Variants in PRORP observed in about 807,000 individuals in gnomAD.
The protein encoded by PRORP is protein only RNase P catalytic subunit, also known as mitochondrial ribonuclease P catalytic subunit.
A neutral mutation model predicts 59.4 loss-of-function variants in PRORP; 51 were observed. That is an observed-to-expected ratio of 0.86 (90% CI 0.69 to 1.08). The LOEUF (loss-of-function observed/expected upper bound fraction) is 1.08. Among genes scored for constraint, PRORP ranks in the 50% least tolerant of loss-of-function variants. PRORP has a pLI of 0.00. For missense variants in PRORP, 646 were observed against 690.3 expected, an observed-to-expected ratio of 0.94 and a Z score of 0.72; for synonymous variants, 231 against 245.6, an observed-to-expected ratio of 0.94 and a Z score of 0.55.
intron 5 of PRORP, among the ~76,000 whole-genome samples, chr14:35,241,948 C>T (rs900796479): frequency 1.4e-4 from 21 of 152,248 alleles, no homozygotes; most frequent in African/African-American, 5.1e-4. Flanking sequence ...TCTACTGACA[C>T]CTTTTATTTA....
intron 5 of PRORP, among the ~76,000 whole-genome samples, chr14:35,259,997 T>G (rs796929631): frequency 7.8e-5 from 11 of 141,190 alleles, no homozygotes; most frequent in African/African-American, 3.0e-4. Flanking sequence ...TTTCGGGTTT[T>G]TTTTTTTTTT....
chr14:35,190,899 G>C (rs2048867159), intron 5 of PRORP, among the ~76,000 whole-genome samples: 1 of 152,032 alleles, frequency 6.6e-6, no homozygotes, highest in South Asian at 2.1e-4. Flanking sequence ...ATAATCTGTT[G>C]CAAGATATTT....
intron 5 of PRORP, among the ~76,000 whole-genome samples, chr14:35,221,675 C>T (rs765560836): frequency 1.1e-4 from 17 of 152,152 alleles, no homozygotes; most frequent in Non-Finnish European, 1.6e-4. Flanking sequence ...TGGTTAGAGA[C>T]ATTTCACAGT....
chr14:35,192,769 G>A (rs1052745604), intron 5 of PRORP, among the ~76,000 whole-genome samples: 5 of 152,056 alleles, frequency 3.3e-5, no homozygotes, highest in African/African-American at 4.8e-5. Flanking sequence ...CAAGGAGGGT[G>A]GATCACCTGA....
At chr14:35,126,224 G>C (rs1356912983) in intron 2 of PRORP, among the ~76,000 whole-genome samples, 2 of 152,060 alleles carry the variant, frequency 1.3e-5, no homozygotes, top group Non-Finnish European at 1.5e-5. Context: ...ATGTGGAAGG[G>C]GAAGGAGGAA....
At chr14:35,137,272 AT>A (rs1566449416) in intron 4 of PRORP, among the ~76,000 whole-genome samples, 1 of 145,262 alleles carries the variant, frequency 6.9e-6, no homozygotes, top group African/African-American at 2.4e-5. Context: ...ATCAATAGAG[AT>A]AAAAAATATT....
rs149866468 is a variant in PRORP, at chr14:35,210,548, T to C, written c.1275+29771T>C. Reference sequence around the variant, plus strand: ...GCAGGAGTGGCAAGAATAGCTAGTATTCTGACAGTGGCAGAATTTTGCAGG... The same window carrying C: ...GCAGGAGTGGCAAGAATAGCTAGTACTCTGACAGTGGCAGAATTTTGCAGG... On this transcript the variant is annotated intron_variant, in intron 5 of 7. Transcript: ENST00000534898. 2.9e-3 allele frequency among the ~76,000 whole-genome samples: 439 copies of C among 151,910 alleles called. 3 individuals are homozygous for C. Among genetic ancestry groups the C allele is most frequent in the African/African-American group, 0.01 (430 of 41,428 alleles).
chr14:35,125,938 G>C (rs578019886), intron 2 of PRORP, among the ~76,000 whole-genome samples: 2 of 152,292 alleles, frequency 1.3e-5, no homozygotes, highest in East Asian at 1.9e-4. Context: ...AGGATCACTT[G>C]AATCTAGGGA....
Position 35,176,670 on chromosome 14 carries a change from G to A in PRORP, c.1168-4000G>A, listed in dbSNP as rs1401230379. On this transcript the variant is annotated intron_variant, in intron 4 of 7. Transcript: ENST00000534898. ...AGACAATGGGGTTTTCTAAATATACGATCATGTCATCTGCAAACAGGGACA... is the reference window on the plus strand; with the variant it reads ...AGACAATGGGGTTTTCTAAATATACAATCATGTCATCTGCAAACAGGGACA... 2.6e-5 allele frequency among the ~76,000 whole-genome samples: 4 copies of A among 152,036 alleles called. No individual in the cohort carries two copies. The East Asian group carries it at 5.8e-4, about 22-fold the overall frequency.
Position 35,126,785 on chromosome 14 carries a change from G to T in PRORP, c.1034+3G>T, listed in dbSNP as rs1456679947. On this transcript the variant is annotated splice_donor_region_variant and intron_variant, in intron 3 of 7. Coordinates refer to ENST00000534898, the MANE Select transcript of PRORP (RefSeq NM_014672.4). ...CAATTCACCACAGTCCGAAAAAGGT[G>T]AAGACCAATGTTTATTTTTAACTTG... The T allele has an allele frequency of 6.2e-7, 1 of 1,605,096 alleles. No individual in the cohort carries two copies. The highest frequency in any genetic ancestry group is 2.2e-5 in the East Asian group (1 of 44,698).
At chr14:35,212,343 T>C (rs72664875) in intron 5 of PRORP, among the ~76,000 whole-genome samples, 5,975 of 152,338 alleles carry the variant, frequency 0.039, 166 homozygotes, top group Non-Finnish European at 0.059. Context: ...TAGTGACTCT[T>C]TTCCAGAAAG....
chr14:35,248,062 G>A (rs1156538533), intron 5 of PRORP, among the ~76,000 whole-genome samples: 1 of 152,150 alleles, frequency 6.6e-6, no homozygotes, highest in African/African-American at 2.4e-5. Flanking sequence ...AGCAGGAAGG[G>A]ATTTCTCTTC....
chr14:35,152,773 C>CTGTAATCTCGGCACTTTGG (rs1311783388), intron 4 of PRORP, among the ~76,000 whole-genome samples: 1 of 150,930 alleles, frequency 6.6e-6, no homozygotes, highest in African/African-American at 2.4e-5. Context: ...CGGGCAGAGG[C>CTGTAATCTCGGCACTTTGG]GCTCCTCACA....
chr14:35,267,507 T>C (rs2051070471), intron 6 of PRORP, among the ~76,000 whole-genome samples: 1 of 152,030 alleles, frequency 6.6e-6, no homozygotes, highest in African/African-American at 2.4e-5. Flanking sequence ...AAAGCCCCGA[T>C]GCAGGCCGGG....
At chr14:35,222,150 C>T (rs1476577212) in intron 5 of PRORP, 1 of 152,094 alleles carries the variant, frequency 6.6e-6, no homozygotes, top group African/African-American at 2.4e-5. Context: ...TGAACCTGAA[C>T]ACATGAACAA....
intron 4 of PRORP, among the ~76,000 whole-genome samples, chr14:35,146,149 G>A (rs2047605928): frequency 6.6e-6 from 1 of 152,058 alleles, no homozygotes; most frequent in Non-Finnish European, 1.5e-5. Flanking sequence ...AACTTTTAAT[G>A]AAACTTTAAT....
At chr14:35,134,088 A>AGCAGGTC (rs2047316468) in intron 4 of PRORP, among the ~76,000 whole-genome samples, 1 of 152,230 alleles carries the variant, frequency 6.6e-6, no homozygotes, top group Admixed American at 6.5e-5. Flanking sequence ...CCCAGGCCTC[A>AGCAGGTC]GCAGGTCCAG....
At chr14:35,263,937 G>C in intron 5 of PRORP, among the ~76,000 whole-genome samples, 1 of 151,894 alleles carries the variant, frequency 6.6e-6, no homozygotes, top group Non-Finnish European at 1.5e-5. Context: ...AAGTGGGCAA[G>C]TTGTGTCCAT....
At chr14:35,147,948 T>C (rs2047651272) in intron 4 of PRORP, among the ~76,000 whole-genome samples, 1 of 152,256 alleles carries the variant, frequency 6.6e-6, no homozygotes, top group African/African-American at 2.4e-5. Context: ...TTTTATTTTG[T>C]GATTGAAGCA....
Sources: allele counts gnomAD v4.1 joint callset (sites outside exome capture counted in the v4.1 genomes callset), GRCh38; gene constraint gnomAD v4.1.1; transcripts MANE v1.5; gene names NCBI Gene and HGNC (gene_info 2026-07-23, HGNC 2026-07-21).